Variants in EGFLAM observed in about 807,000 individuals in gnomAD.
EGFLAM encodes the protein EGF like, fibronectin type III and laminin G domains.
Under a neutral mutation model 113.1 loss-of-function variants are expected in EGFLAM, and 79 were observed. The observed-to-expected ratio is 0.70, with a 90% CI of 0.58 to 0.84. The LOEUF is 0.84. EGFLAM is among the 40% of genes least tolerant of loss of function. The probability of loss-of-function intolerance (pLI) is 0.00; values close to 1 mark genes in which losing one functional copy is unlikely to be tolerated. For missense variants in EGFLAM, 1,265 were observed against 1,291.6 expected (o/e 0.98, Z 0.32); for synonymous variants, 504 against 487.6 (o/e 1.03, Z -0.44).
chr5:38,428,104 C>T (rs1275191274), intron 14 of EGFLAM, among the ~76,000 whole-genome samples: 2 of 152,158 alleles, frequency 1.3e-5, no homozygotes, highest in Non-Finnish European at 2.9e-5. Context: ...TTGTCTAATT[C>T]GTCTTTTTTG....
At chr5:38,424,269 C>G (rs988516138) in intron 12 of EGFLAM, among the ~76,000 whole-genome samples, 2 of 152,218 alleles carry the variant, frequency 1.3e-5, no homozygotes, top group Admixed American at 6.5e-5. Flanking sequence ...TCTCTCTGAT[C>G]TGTTTGGTGA....
At chr5:38,370,963 G>A (rs1175103434) in intron 6 of EGFLAM, among the ~76,000 whole-genome samples, 2 of 152,202 alleles carry the variant, frequency 1.3e-5, no homozygotes, top group Admixed American at 1.3e-4. Context: ...AATGGTGTAT[G>A]TTCTCATAGT....
chr5:38,399,279 T>G (rs1023006094), intron 6 of EGFLAM, among the ~76,000 whole-genome samples: 3 of 130,702 alleles, frequency 2.3e-5, no homozygotes, highest in African/African-American at 7.3e-5. Flanking sequence ...TTGTTTTCGT[T>G]TTTTTTTTTT....
At chr5:38,451,580 G>C in intron 19 of EGFLAM, 122 bp downstream of exon 19, 1 of 1,386,606 alleles carries the variant, frequency 7.2e-7, no homozygotes, top group East Asian at 2.3e-5. Flanking sequence ...GAAGCCTGAA[G>C]CTTCAAGGCT....
intron 6 of EGFLAM, among the ~76,000 whole-genome samples, chr5:38,391,298 C>T (rs1398042261): frequency 3.9e-5 from 6 of 152,058 alleles, no homozygotes; most frequent in Non-Finnish European, 8.8e-5. Context: ...TCATACATTT[C>T]TGGATCTGTT....
chr5:38,373,586 C>T (rs1362898312), intron 6 of EGFLAM, among the ~76,000 whole-genome samples: 2 of 152,128 alleles, frequency 1.3e-5, no homozygotes, highest in African/African-American at 4.8e-5. Context: ...GCTTAAAAGA[C>T]GTGGGTTTGT....
chr5:38,378,895 G>A (rs1740437092), intron 6 of EGFLAM, among the ~76,000 whole-genome samples: 1 of 152,184 alleles, frequency 6.6e-6, no homozygotes, highest in Non-Finnish European at 1.5e-5. Context: ...TGGAACAGAG[G>A]TTAAGGTATC....
chr5:38,439,879 T>C (rs1044504748), intron 17 of EGFLAM, among the ~76,000 whole-genome samples: 7 of 152,228 alleles, frequency 4.6e-5, no homozygotes, highest in African/African-American at 1.4e-4. Context: ...ATCCAATTTG[T>C]GCTTGCCGTA....
At chr5:38,339,449 C>G (rs1472666860) in intron 3 of EGFLAM, among the ~76,000 whole-genome samples, 2 of 152,182 alleles carry the variant, frequency 1.3e-5, no homozygotes, top group African/African-American at 2.4e-5. Flanking sequence ...GCTCATAACA[C>G]TATTATAATG....
Position 38,448,359 on chromosome 5 carries a change from CA to C in EGFLAM, c.2525del (p.Asn842ThrfsTer5), listed in dbSNP as rs1742793786. ...TCGGCCGCAGTTACCTGACGTATGA[CA>C]ACCCAGATATCTTGAAGAGGTAATA... ...FIGRSYLTYD[N>X]PDILKRVSGS... On this transcript the variant is annotated frameshift_variant, in exon 18 of 22. Transcript: ENST00000322350. LOFTEE classifies it high-confidence loss of function. 6.2e-7 allele frequency: 1 copy of C among 1,614,082 alleles called. No individual in the cohort carries two copies. Among genetic ancestry groups the C allele is most frequent in the Non-Finnish European group, 8.5e-7 (1 of 1,180,066 alleles).
chr5:38,352,697 G>A (rs755425405), intron 5 of EGFLAM, among the ~76,000 whole-genome samples: 11 of 147,870 alleles, frequency 7.4e-5, no homozygotes, highest in African/African-American at 2.5e-4. Flanking sequence ...CAAGCCTGAC[G>A]TAAGACAATG....
intron 6 of EGFLAM, among the ~76,000 whole-genome samples, chr5:38,374,649 C>A (rs1429321626): frequency 6.6e-6 from 1 of 152,182 alleles, no homozygotes; most frequent in African/African-American, 2.4e-5. Flanking sequence ...CTGCATGATT[C>A]CTAAACCGTA....
chr5:38,357,300 C>G (rs1739788054), intron 5 of EGFLAM, among the ~76,000 whole-genome samples: 1 of 149,642 alleles, frequency 6.7e-6, no homozygotes, highest in East Asian at 1.9e-4. Context: ...GGACCCTCAC[C>G]AGGCAATGGA....
At chr5:38,401,483 A>T (rs1030835336) in intron 6 of EGFLAM, among the ~76,000 whole-genome samples, 2 of 152,090 alleles carry the variant, frequency 1.3e-5, no homozygotes, top group African/African-American at 2.4e-5. Flanking sequence ...AAATGACAAG[A>T]TTGGGCTGGA....
intron 3 of EGFLAM, among the ~76,000 whole-genome samples, chr5:38,348,595 C>T (rs1470432976): frequency 6.6e-6 from 1 of 152,154 alleles, no homozygotes; most frequent in Non-Finnish European, 1.5e-5. Flanking sequence ...GTAAGAACAT[C>T]TCAATAGGTT....
intron 6 of EGFLAM, 40 bp from the exon 7 acceptor site, chr5:38,406,086 G>C (rs753315073): frequency 2.7e-6 from 4 of 1,508,942 alleles, no homozygotes; most frequent in Non-Finnish European, 3.7e-6. Flanking sequence ...TGCAAAGAAG[G>C]CCTGTGCTGA....
intron 6 of EGFLAM, among the ~76,000 whole-genome samples, chr5:38,397,146 A>C (rs1198989626): frequency 6.6e-6 from 1 of 152,250 alleles, no homozygotes; most frequent in African/African-American, 2.4e-5. Flanking sequence ...TAAGAGTTTC[A>C]TGAAACGTGC....
At chr5:38,362,180 G>A (rs1017106755) in intron 5 of EGFLAM, among the ~76,000 whole-genome samples, 2 of 152,030 alleles carry the variant, frequency 1.3e-5, no homozygotes, top group African/African-American at 4.8e-5. Context: ...TATTGCTATC[G>A]TTTTCTCATC....
chr5:38,445,491 G>A, intron 17 of EGFLAM: 2 of 1,474,996 alleles, frequency 1.4e-6, no homozygotes, highest in South Asian at 1.4e-5. Context: ...ATGCTGAGGA[G>A]AGATTTCCAG....
Sources: allele counts gnomAD v4.1 joint callset (sites outside exome capture counted in the v4.1 genomes callset), GRCh38; gene constraint gnomAD v4.1.1; transcripts MANE v1.5; gene names NCBI Gene and HGNC (gene_info 2026-07-23, HGNC 2026-07-21).